Variants in TRANK1 observed in about 807,000 individuals in gnomAD.
TRANK1 encodes TPR and ankyrin repeat-containing protein 1.
A neutral mutation model predicts 266.0 loss-of-function variants in TRANK1; 198 were observed. That is an observed-to-expected ratio of 0.74 (90% CI 0.66 to 0.84). The LOEUF is 0.84. Ranked by LOEUF, TRANK1 falls within the 40% of genes least tolerant of loss-of-function variation. The pLI, the probability that TRANK1 is intolerant of heterozygous loss-of-function variation, is 0.00. For missense variants in TRANK1, 3,326 were observed against 3,634.6 expected, an observed-to-expected ratio of 0.92 and a Z score of 2.18; for synonymous variants, 1,396 against 1,384.1, an observed-to-expected ratio of 1.01 and a Z score of -0.19.
rs939747586 is a variant in TRANK1 at position 36,908,467 on chromosome 3, G to C, written c.24-13C>G. 8.9e-6 allele frequency: 11 copies of C among 1,232,036 alleles called. No individual in the cohort carries two copies. Among genetic ancestry groups the C allele is most frequent in the South Asian group, 8.2e-5 (2 of 24,318 alleles). The allele number at this position is 1,232,036 out of a possible 1,614,324, so 76.3% of individuals were successfully genotyped here. On this transcript the variant is annotated splice_polypyrimidine_tract_variant and intron_variant, in intron 1 of 23. Transcript: ENST00000645898. The stretch of plus-strand genomic sequence containing the variant: ...TGTCAGGTCCATCCTGTGAGGAGAC[G>C]GGGGAGACGCTTGCTGCCAGACCCG...
chr3:36,934,018 TTCAGCTG>T (rs1454272731), intron 1 of TRANK1, among the ~76,000 whole-genome samples: 1 of 152,182 alleles, frequency 6.6e-6, no homozygotes, highest in Non-Finnish European at 1.5e-5. Flanking sequence ...AGAAACCCTT[TTCAGCTG>T]GAGGGCAATG....
chr3:36,904,049 C>A (rs2125625599), intron 2 of TRANK1, among the ~76,000 whole-genome samples: 1 of 152,166 alleles, frequency 6.6e-6, no homozygotes, highest in African/African-American at 2.4e-5. Context: ...ACCTCCACCT[C>A]CTGGGTTCAA....
intron 4 of TRANK1, 94 bp downstream of exon 4, chr3:36,899,015 C>T (rs1409400505): frequency 2.2e-6 from 3 of 1,352,980 alleles, no homozygotes; most frequent in Non-Finnish European, 3.0e-6. Flanking sequence ...CAAAGAAACA[C>T]CCAGAAAGTA....
intron 1 of TRANK1, among the ~76,000 whole-genome samples, chr3:36,943,006 C>G (rs1409394968): frequency 2.0e-5 from 3 of 152,086 alleles, no homozygotes; most frequent in Admixed American, 1.3e-4. Flanking sequence ...CATGGCGAAA[C>G]ACCGTCTCCA....
chr3:36,889,858 G>A lies in TRANK1; in HGVS notation c.878C>T (p.Ala293Val), dbSNP rs568105155. Residue 293 changes from alanine to valine, a missense_variant, in exon 8 of 24, where the codon GCT becomes GTT. Coordinates refer to ENST00000645898, the MANE Select transcript of TRANK1 (RefSeq NM_001329998.2). ...AACGAGGTATCCTGGGGAGTGGGCAGCGACGACGTGCAGGACAGTGCAGCC... is the reference window on the plus strand; with the variant it reads ...AACGAGGTATCCTGGGGAGTGGGCAACGACGACGTGCAGGACAGTGCAGCC... ...GDGCTVLHVVAAHSPGYLVKR... is the reference protein window; with the variant it reads ...GDGCTVLHVVVAHSPGYLVKR... 2 of 1,537,184 alleles carry A rather than the reference G, an allele frequency of 1.3e-6. No homozygotes were observed. The highest frequency in any genetic ancestry group is 2.4e-5 in the East Asian group (1 of 40,918).
Position 36,864,520 on chromosome 3 carries a change from T to C in TRANK1, c.1079-40A>G, listed in dbSNP as rs76132478. ...CAGGTAATGCTTCTGAATACAGAAA[T>C]TGCAGCTGTTACAGATTGCAAAAAT... On this transcript the variant is annotated intron_variant, in intron 9 of 23. Transcript: ENST00000645898. The C allele has an allele frequency of 3.8e-4, 570 of 1,488,522 alleles. 5 individuals are homozygous for C. The East Asian group carries it at 9.5e-3, about 25-fold the overall frequency. The allele number at this position is 1,488,522 out of a possible 1,614,324, so 92.2% of individuals were successfully genotyped here.
rs376113725 is a variant in TRANK1, at chr3:36,834,804, C to A, written c.5621G>T (p.Cys1874Phe). 5.2e-5 allele frequency: 84 copies of A among 1,613,570 alleles called. No individual in the cohort carries two copies. The African/African-American group carries it at 1.1e-3, about 20-fold the overall frequency. ...QEFDLALKMY[C>F]QEELFEEAAI... ...AGCTTCTTCAAAAAGCTCCTCTTGG[C>A]AGTACATTTTGAGTGCTAGATCAAA... Residue 1874 changes from cysteine to phenylalanine, a missense_variant, in exon 21 of 24, where the codon TGC becomes TTC. Physicochemically the swap from Cys to Phe is radical, Grantham distance 205. Transcript: ENST00000645898.
At position 36,827,047 on chromosome 3, in the gene TRANK1, T is replaced by C. The variant is rs547144648; in HGVS notation, c.*1228A>G. The C allele has an allele frequency of 1.2e-3, 185 of 151,234 alleles. No homozygotes were observed. The highest frequency in any genetic ancestry group is 2.4e-3 in the Admixed American group (36 of 15,218). The allele number at this position is 151,234 out of a possible 1,614,324, so 9.4% of individuals were successfully genotyped here. A position where few individuals can be genotyped will look rare whatever the true frequency, so the allele number is the denominator to read the frequency against. Reference sequence around the variant, plus strand: ...AGCAGCAGCAACATGGGGGGAAAGCTGGCTCTGCTGTGAGGACAGAACAAT... The same window carrying C: ...AGCAGCAGCAACATGGGGGGAAAGCCGGCTCTGCTGTGAGGACAGAACAAT... On this transcript the variant is annotated 3_prime_UTR_variant, in exon 24 of 24. Transcript: ENST00000645898.
chr3:36,852,218 A>G lies in TRANK1; in HGVS notation c.4677T>C (p.Ser1559=), dbSNP rs1282668291. ...GPKPTVLESC[S]VSDLAILLRG... ...GTAGCAAAATTGCCAAGTCGCTTACACTACAAGACTCCAGAACAGTTGGCT... is the reference window on the plus strand; with the variant it reads ...GTAGCAAAATTGCCAAGTCGCTTACGCTACAAGACTCCAGAACAGTTGGCT... Residue 1559 remains serine, a synonymous_variant, in exon 14 of 24, where the codon AGT becomes AGC. Transcript: ENST00000645898. The G allele has an allele frequency of 7.4e-6, 12 of 1,612,312 alleles. No homozygotes were observed. The highest frequency in any genetic ancestry group is 1.3e-5 in the African/African-American group (1 of 74,792).
intron 18 of TRANK1, among the ~76,000 whole-genome samples, chr3:36,841,198 C>T (rs1358043054): frequency 3.3e-5 from 5 of 152,196 alleles, no homozygotes; most frequent in Non-Finnish European, 7.3e-5. Flanking sequence ...ATTAGAGAAG[C>T]AGGACAAGCC....
chr3:36,879,723 TAAATATATATAAATATAC>T (rs2079460221), intron 8 of TRANK1, among the ~76,000 whole-genome samples: 1 of 106,504 alleles, frequency 9.4e-6, no homozygotes, highest in Admixed American at 1.1e-4. Context: ...TATAAATATA[TAAATATATATAAATATAC>T]AAATATATAA....
chr3:36,899,179 T>A lies in TRANK1; in HGVS notation c.363A>T (p.Arg121=). 1 of 1,537,238 alleles carries A rather than the reference T, an allele frequency of 6.5e-7. No individual in the cohort carries two copies. Among genetic ancestry groups the A allele is most frequent in the Non-Finnish European group, 8.7e-7 (1 of 1,146,916 alleles). ...EAARMFFEGL[R]LVQRSQDQAP... is the part of the protein sequence containing the mutation. ...CCTGGTCTTGGCTTCTCTGCACAAG[T>A]CGCAGACCCTCAAAAAACATGCGAG... is the stretch of plus-strand genomic sequence containing the variant. The change falls in exon 4 of 24, where the codon CGA becomes CGT. Residue 121 remains arginine (R), a synonymous_variant. Coordinates refer to ENST00000645898, the MANE Select transcript of TRANK1 (RefSeq NM_001329998.2).
chr3:36,924,623 AAAAG>A (rs1207133094), intron 1 of TRANK1, among the ~76,000 whole-genome samples: 5 of 152,194 alleles, frequency 3.3e-5, no homozygotes, highest in African/African-American at 1.2e-4. Context: ...AACAGGGCTA[AAAAG>A]AAAGACGCAG....
At position 36,836,746 on chromosome 3, in the gene TRANK1, G is replaced by A. The variant is rs555138307; in HGVS notation, c.5517+1626C>T. ...GTTCACCAGCTAATCCTGTCTGCTC[G>A]GTTTCCCTAACATTTCCCAGATATG... is the stretch of plus-strand genomic sequence containing the variant. On this transcript the variant is annotated intron_variant, in intron 20 of 23. Transcript: ENST00000645898. Among the ~76,000 whole-genome samples the A allele has an allele frequency of 7.2e-5, 11 of 152,268 alleles. No homozygotes were observed. The South Asian group carries it at 8.3e-4, about 11-fold the overall frequency.
Position 36,851,870 on chromosome 3 carries a change from A to G in TRANK1, c.4750-14T>C. The G allele has an allele frequency of 9.5e-6, 15 of 1,577,008 alleles. No homozygotes were observed. The highest frequency in any genetic ancestry group is 1.2e-5 in the Non-Finnish European group (14 of 1,163,428). ...CACAAGGATTACCTGAAGAAAAACA[A>G]AAGAACATCAAATTCTACAGAGAAA... is the stretch of plus-strand genomic sequence containing the variant. On this transcript the variant is annotated splice_polypyrimidine_tract_variant and intron_variant, in intron 14 of 23. Coordinates refer to ENST00000645898, the MANE Select transcript of TRANK1 (RefSeq NM_001329998.2).
At chr3:36,837,327 C>A (rs1349746061) in intron 20 of TRANK1, among the ~76,000 whole-genome samples, 1 of 152,162 alleles carries the variant, frequency 6.6e-6, no homozygotes, top group African/African-American at 2.4e-5. Context: ...AAACATGGAA[C>A]AGGGTAGGCA....
chr3:36,851,678 C>G, intron 15 of TRANK1, 41 bp downstream of exon 15: 1 of 1,584,534 alleles, frequency 6.3e-7, no homozygotes. Context: ...TCAGCTCATA[C>G]ATAAATATTC....
chr3:36,886,220 C>T (rs972727885), intron 8 of TRANK1, among the ~76,000 whole-genome samples: 2 of 150,194 alleles, frequency 1.3e-5, no homozygotes, highest in Admixed American at 6.7e-5. Context: ...CTTCAACCTC[C>T]GCCTCCCAAG....
In TRANK1 at chr3:36,875,763, C is replaced by T. The variant is rs571073535; in HGVS notation, c.908-1467G>A. 2.0e-5 allele frequency among the ~76,000 whole-genome samples: 3 copies of T among 152,310 alleles called. No individual in the cohort carries two copies. In the East Asian group the frequency reaches 5.8e-4, roughly 29 times the overall value. On this transcript the variant is annotated intron_variant, in intron 8 of 23. Coordinates refer to ENST00000645898, the MANE Select transcript of TRANK1 (RefSeq NM_001329998.2). ...TACATAATCCATCCCCTACCTACTT[C>T]CCCCCAGAATTTTATTTTTATGTTT...
Sources: allele counts gnomAD v4.1 joint callset (sites outside exome capture counted in the v4.1 genomes callset), GRCh38; gene constraint gnomAD v4.1.1; transcripts MANE v1.5; gene names NCBI Gene and HGNC (gene_info 2026-07-23, HGNC 2026-07-21).